GALNT13: variants seen among roughly 807,000 people sequenced by gnomAD.
The protein encoded by GALNT13 is polypeptide N-acetylgalactosaminyltransferase 13.
In GALNT13, 28 loss-of-function variants were observed where a neutral mutation model predicts 64.2. The observed-to-expected ratio is 0.44, with a 90% confidence interval of 0.32 to 0.60. The LOEUF is 0.60. Ranked by LOEUF, GALNT13 falls within the 20% of genes least tolerant of loss-of-function variation. GALNT13 has a pLI of 0.05. For missense variants in GALNT13, 577 were observed against 669.8 expected, an observed-to-expected ratio of 0.86 and a Z score of 1.53; for synonymous variants, 214 against 224.6, an observed-to-expected ratio of 0.95 and a Z score of 0.42.
chr2:153,867,562 G>A (rs146101897), upstream of GALNT13, among the ~76,000 whole-genome samples: 63 of 151,990 alleles, frequency 4.1e-4, no homozygotes, highest in Non-Finnish European at 6.6e-4. Context: ...CTGGGAGAGG[G>A]GATGGTTTCA....
chr2:153,770,193 C>T, the GALNT13 span, among the ~76,000 whole-genome samples: 2 of 102,422 alleles, frequency 2.0e-5, no homozygotes, highest in African/African-American at 7.7e-5. Context: ...CCGGCTTTTT[C>T]TCCTCTGGAT....
chr2:153,117,547 T>C, the GALNT13 span, among the ~76,000 whole-genome samples: 1 of 152,224 alleles, frequency 6.6e-6, no homozygotes. Flanking sequence ...GGAGTTGTTA[T>C]TCAACTTGAT....
the GALNT13 span, among the ~76,000 whole-genome samples, chr2:153,768,806 C>T: frequency 1.4e-4 from 21 of 152,172 alleles, no homozygotes; most frequent in Admixed American, 2.0e-4. Flanking sequence ...GCGGAGCTTA[C>T]AGTGAGCCAA....
At chr2:154,417,763 C>T (rs1263350499) in intron 11 of GALNT13, among the ~76,000 whole-genome samples, 2 of 151,946 alleles carry the variant, frequency 1.3e-5, no homozygotes, top group African/African-American at 2.4e-5. Context: ...CCACCCGCCT[C>T]CACATCCCAA....
chr2:154,390,231 A>AT lies in GALNT13; in HGVS notation c.1157-5753dup, dbSNP rs1269802653. ...TAGACTTACTATGAATAAAAGACAG[A>AT]TTTTTTTATACTTAAATTCAGGGTG... On this transcript the variant is annotated intron_variant, in intron 9 of 12. Transcript: ENST00000392825. Among the ~76,000 whole-genome samples, 5 of 152,124 alleles carry AT rather than the reference A, an allele frequency of 3.3e-5. No individual in the cohort carries two copies. The East Asian group carries it at 5.8e-4, about 18-fold the overall frequency.
chr2:153,197,711 A>G, the GALNT13 span, among the ~76,000 whole-genome samples: 2 of 152,210 alleles, frequency 1.3e-5, no homozygotes, highest in African/African-American at 4.8e-5. Flanking sequence ...ACGTGTGCCA[A>G]AACACAGAGG....
chr2:153,662,242 C>T, the GALNT13 span, among the ~76,000 whole-genome samples: 2 of 152,154 alleles, frequency 1.3e-5, no homozygotes, highest in African/African-American at 4.8e-5. Context: ...ATTGGGATAA[C>T]TCTAAAGGGC....
intron 4 of GALNT13, among the ~76,000 whole-genome samples, chr2:154,148,500 C>T (rs559903879): frequency 3.2e-4 from 48 of 152,246 alleles, no homozygotes; most frequent in Non-Finnish European, 3.1e-4. Context: ...GGAATCACCA[C>T]ACTGACTTCC....
chr2:153,327,847 G>A, the GALNT13 span, among the ~76,000 whole-genome samples: 1,918 of 152,150 alleles, frequency 0.013, 46 homozygotes, highest in African/African-American at 0.044. Context: ...CTGGCTCGGA[G>A]TTGTGATCCT....
chr2:153,928,202 G>A (rs2105350866), intron 2 of GALNT13, among the ~76,000 whole-genome samples: 1 of 152,020 alleles, frequency 6.6e-6, no homozygotes, highest in Admixed American at 6.6e-5. Flanking sequence ...ACAAATAAAT[G>A]CCCCTGTTTT....
the GALNT13 span, among the ~76,000 whole-genome samples, chr2:153,351,731 G>T: frequency 1.2e-4 from 18 of 152,058 alleles, no homozygotes; most frequent in Non-Finnish European, 2.6e-4. Context: ...TTTTCACATT[G>T]GCCTTGTTCA....
intron 9 of GALNT13, among the ~76,000 whole-genome samples, chr2:154,340,172 A>C (rs529518159): frequency 6.6e-6 from 1 of 151,950 alleles, no homozygotes; most frequent in African/African-American, 2.4e-5. Context: ...CCAACTCTCT[A>C]ACTTGGTCAA....
chr2:154,319,579 C>A (rs558127847), intron 9 of GALNT13, among the ~76,000 whole-genome samples: 1 of 151,422 alleles, frequency 6.6e-6, no homozygotes, highest in South Asian at 2.1e-4. Flanking sequence ...GCAGGAGAAT[C>A]GCTTGAACCC....
chr2:154,348,189 T>C (rs1696177351), intron 9 of GALNT13, among the ~76,000 whole-genome samples: 1 of 152,108 alleles, frequency 6.6e-6, no homozygotes, highest in Non-Finnish European at 1.5e-5. Flanking sequence ...ATCTTGGTCT[T>C]GGTTCTAACT....
chr2:153,573,432 C>A, the GALNT13 span, among the ~76,000 whole-genome samples: 1 of 151,902 alleles, frequency 6.6e-6, no homozygotes, highest in Non-Finnish European at 1.5e-5. Context: ...AGAGTTTAGT[C>A]CATTTACATT....
chr2:153,875,458 T>G (rs2105221400), intron 1 of GALNT13, among the ~76,000 whole-genome samples: 1 of 152,354 alleles, frequency 6.6e-6, no homozygotes, highest in South Asian at 2.1e-4. Flanking sequence ...CTTATGCATC[T>G]AACTTTTTAA....
intron 2 of GALNT13, among the ~76,000 whole-genome samples, chr2:153,926,699 C>T (rs1218309691): frequency 6.6e-6 from 1 of 152,074 alleles, no homozygotes; most frequent in African/African-American, 2.4e-5. Context: ...TCCTTTGGGT[C>T]TGTTGGTCTA....
the GALNT13 span, among the ~76,000 whole-genome samples, chr2:153,305,561 A>G: frequency 2.0e-5 from 3 of 152,200 alleles, no homozygotes; most frequent in Admixed American, 1.3e-4. Context: ...GAAAGTGTAC[A>G]GGGTTGTACA....
chr2:153,418,311 C>T, the GALNT13 span, among the ~76,000 whole-genome samples: 2 of 152,148 alleles, frequency 1.3e-5, no homozygotes, highest in Non-Finnish European at 1.5e-5. Context: ...GGTTTGCCAC[C>T]GTGATATTAG....
Sources: gnomAD v4.1 joint callset for allele counts (sites outside exome capture counted in the v4.1 genomes callset) on GRCh38, gnomAD v4.1.1 for gene constraint, MANE v1.5 for transcripts, NCBI Gene and HGNC (gene_info 2026-07-23, HGNC 2026-07-21) for gene names.